The following SPOCK1 variants were observed in gnomAD, a reference collection of about 807,000 sequenced individuals.
SPOCK1 encodes the protein SPARC (osteonectin), cwcv and kazal like domains proteoglycan 1.
In SPOCK1, 23 loss-of-function variants were observed where a neutral mutation model predicts 55.3. The observed-to-expected ratio is 0.42, with a 90% confidence interval of 0.30 to 0.59. The LOEUF (loss-of-function observed/expected upper bound fraction) is 0.59. SPOCK1 is among the 20% of genes least tolerant of loss of function. The pLI, the probability that SPOCK1 is intolerant of heterozygous loss-of-function variation, is 0.22. For synonymous variants in SPOCK1, 226 were observed against 221.0 expected (o/e 1.02, Z -0.20); for missense variants, 499 against 552.5 (o/e 0.90, Z 0.97).
chr5:137,196,939 C>T (rs1755311670), intron 3 of SPOCK1, among the ~76,000 whole-genome samples: 1 of 152,214 alleles, frequency 6.6e-6, no homozygotes, highest in African/African-American at 2.4e-5. Context: ...CCATATCTAG[C>T]TTCAATTAAA....
At chr5:137,463,907 C>T (rs762121816) in intron 2 of SPOCK1, among the ~76,000 whole-genome samples, 2 of 152,202 alleles carry the variant, frequency 1.3e-5, no homozygotes, top group Non-Finnish European at 2.9e-5. Flanking sequence ...AAGATTACAC[C>T]GCTGCACTCC....
chr5:137,252,473 AG>A (rs2127106987), intron 3 of SPOCK1, among the ~76,000 whole-genome samples: 1 of 152,328 alleles, frequency 6.6e-6, no homozygotes, highest in African/African-American at 2.4e-5. Flanking sequence ...TGTATGCAAA[AG>A]TTCCTACAGC....
intron 2 of SPOCK1, among the ~76,000 whole-genome samples, chr5:137,305,011 A>C (rs559167528): frequency 1.3e-5 from 2 of 152,324 alleles, no homozygotes; most frequent in East Asian, 3.9e-4. Context: ...GCAGAGCCAC[A>C]TTCCCTCTGA....
chr5:137,016,947 C>T (rs1187346435), intron 6 of SPOCK1, among the ~76,000 whole-genome samples: 1 of 152,246 alleles, frequency 6.6e-6, no homozygotes, highest in Non-Finnish European at 1.5e-5. Flanking sequence ...TGTTGGGCCA[C>T]TCCTATGTGC....
At chr5:137,206,036 A>C (rs1755516522) in intron 3 of SPOCK1, among the ~76,000 whole-genome samples, 1 of 152,198 alleles carries the variant, frequency 6.6e-6, no homozygotes, top group Non-Finnish European at 1.5e-5. Context: ...ATCAGAAAAC[A>C]CACTGGTAAC....
intron 6 of SPOCK1, among the ~76,000 whole-genome samples, chr5:137,067,256 T>A (rs532808355): frequency 1.3e-5 from 2 of 152,198 alleles, no homozygotes; most frequent in Non-Finnish European, 2.9e-5. Flanking sequence ...CCCCTGGCTC[T>A]GTGCTGCCTT....
At chr5:137,485,678 T>A (rs146465367) in intron 2 of SPOCK1, among the ~76,000 whole-genome samples, 1 of 151,738 alleles carries the variant, frequency 6.6e-6, no homozygotes, top group Non-Finnish European at 1.5e-5. Flanking sequence ...ATATAACAGG[T>A]AAATAAATTG....
At chr5:137,155,077 G>A (rs1461311923) in intron 3 of SPOCK1, among the ~76,000 whole-genome samples, 1 of 152,180 alleles carries the variant, frequency 6.6e-6, no homozygotes, top group African/African-American at 2.4e-5. Flanking sequence ...GACTGGGTGA[G>A]ACAATGTGTC....
chr5:137,059,474 G>A (rs947536293), intron 6 of SPOCK1, among the ~76,000 whole-genome samples: 8 of 152,104 alleles, frequency 5.3e-5, no homozygotes, highest in Middle Eastern at 3.2e-3. Flanking sequence ...ACTTAAATGC[G>A]AAACCTAAAA....
intron 6 of SPOCK1, among the ~76,000 whole-genome samples, chr5:137,034,552 T>A (rs1751845376): frequency 6.6e-6 from 1 of 152,144 alleles, no homozygotes; most frequent in Admixed American, 6.5e-5. Flanking sequence ...TTCACAGACA[T>A]CATCTCCTGG....
intron 2 of SPOCK1, among the ~76,000 whole-genome samples, chr5:137,287,262 C>T (rs990430990): frequency 9.2e-5 from 14 of 152,228 alleles, no homozygotes; most frequent in African/African-American, 3.1e-4. Flanking sequence ...CCAAGACTGA[C>T]TGTATGTCCT....
chr5:137,162,904 G>C (rs920262773), intron 3 of SPOCK1, among the ~76,000 whole-genome samples: 26 of 152,156 alleles, frequency 1.7e-4, no homozygotes, highest in African/African-American at 6.3e-4. Flanking sequence ...CATCAGCGTT[G>C]GAAGGGTCTT....
intron 3 of SPOCK1, among the ~76,000 whole-genome samples, chr5:137,160,418 TA>T (rs1754505768): frequency 8.3e-6 from 1 of 119,960 alleles, no homozygotes; most frequent in Non-Finnish European, 1.7e-5. Context: ...AATATATATA[TA>T]ATATAATATA....
intron 3 of SPOCK1, among the ~76,000 whole-genome samples, chr5:137,179,166 C>A (rs1485570214): frequency 6.6e-6 from 1 of 152,192 alleles, no homozygotes; most frequent in Non-Finnish European, 1.5e-5. Context: ...CATCCCCAGT[C>A]TGCTAAGAAC....
At chr5:137,248,591 T>C (rs1404754039) in intron 3 of SPOCK1, among the ~76,000 whole-genome samples, 1 of 152,246 alleles carries the variant, frequency 6.6e-6, no homozygotes, top group East Asian at 1.9e-4. Context: ...AAGTCAACTC[T>C]GTGTTCAAAG....
intron 6 of SPOCK1, among the ~76,000 whole-genome samples, chr5:136,997,236 C>T (rs1751060320): frequency 6.6e-6 from 1 of 152,132 alleles, no homozygotes; most frequent in African/African-American, 2.4e-5. Flanking sequence ...CCAGCAAATA[C>T]TCATATATTC....
At chr5:137,232,278 G>A (rs1257463427) in intron 3 of SPOCK1, among the ~76,000 whole-genome samples, 2 of 152,046 alleles carry the variant, frequency 1.3e-5, no homozygotes, top group Non-Finnish European at 2.9e-5. Context: ...CCTAAATCCT[G>A]AAGATTTTTA....
intron 3 of SPOCK1, among the ~76,000 whole-genome samples, chr5:137,161,393 T>C (rs904980262): frequency 6.6e-6 from 1 of 152,040 alleles, no homozygotes; most frequent in African/African-American, 2.4e-5. Flanking sequence ...GGGCATCCCA[T>C]GTTGCCCAGG....
intron 2 of SPOCK1, among the ~76,000 whole-genome samples, chr5:137,357,013 G>T (rs1047054717): frequency 6.6e-6 from 1 of 150,716 alleles, no homozygotes; most frequent in African/African-American, 2.4e-5. Context: ...GGAACACAAA[G>T]GGAAGTTGGC....
Sources: allele counts gnomAD v4.1 joint callset (sites outside exome capture counted in the v4.1 genomes callset), GRCh38; gene constraint gnomAD v4.1.1; transcripts MANE v1.5; gene names NCBI Gene and HGNC (gene_info 2026-07-23, HGNC 2026-07-21).